The following C1orf105 variants were observed in gnomAD, a reference collection of about 807,000 sequenced individuals.
The protein encoded by C1orf105 is uncharacterized protein C1orf105.
In C1orf105, 17 loss-of-function variants were observed where a neutral mutation model predicts 20.8. The ratio of observed to expected loss-of-function variants is 0.82; its 90% CI spans 0.56 to 1.23. The LOEUF (loss-of-function observed/expected upper bound fraction) is 1.23. C1orf105 is among the 50% of genes most tolerant of loss of function. The probability of loss-of-function intolerance (pLI) is 0.00; values close to 1 mark genes in which losing one functional copy is unlikely to be tolerated. For missense variants in C1orf105, 219 were observed against 213.5 expected (o/e 1.03, Z -0.16); for synonymous variants, 72 against 72.1 (o/e 1.00, Z 0.01).
intron 4 of C1orf105, 63 bp downstream of exon 4, chr1:172,456,552 G>A: frequency 6.6e-7 from 1 of 1,506,502 alleles, no homozygotes. Flanking sequence ...GCCCTTCCCA[G>A]CCAAGCCCTG....
Position 172,430,748 on chromosome 1 carries a change from G to A in C1orf105, c.21+9842G>A, listed in dbSNP as rs55826912. ...GAGCCATTGCGCCCAGCCAGATACA[G>A]CATTTTTTACAAATTGAAGATTTGT... On this transcript the variant is annotated intron_variant, in intron 1 of 6. Transcript: ENST00000367727. 8.9e-3 allele frequency among the ~76,000 whole-genome samples: 1,349 copies of A among 152,248 alleles called. 20 individuals carry two copies. The highest frequency in any genetic ancestry group is 0.012 in the Non-Finnish European group (809 of 68,032).
chr1:172,462,577 A>G (rs1437529882), intron 5 of C1orf105, among the ~76,000 whole-genome samples: 1 of 152,236 alleles, frequency 6.6e-6, no homozygotes, highest in Non-Finnish European at 1.5e-5. Context: ...TCTAATCTGC[A>G]AGATATGGGG....
intron 1 of C1orf105, among the ~76,000 whole-genome samples, chr1:172,424,892 C>T (rs2071685053): frequency 6.6e-6 from 1 of 152,070 alleles, no homozygotes; most frequent in Admixed American, 6.5e-5. Flanking sequence ...TTCTCACTGA[C>T]CAGAGTTCAA....
chr1:172,448,156 C>T (rs1000046711), intron 2 of C1orf105, among the ~76,000 whole-genome samples: 4 of 152,202 alleles, frequency 2.6e-5, no homozygotes, highest in African/African-American at 4.8e-5. Context: ...GGATTCATTT[C>T]GCTCATTACA....
intron 3 of C1orf105, among the ~76,000 whole-genome samples, chr1:172,449,394 G>A (rs1407385551): frequency 3.3e-5 from 5 of 152,092 alleles, no homozygotes; most frequent in Admixed American, 2.6e-4. Context: ...GGTTGGGCAA[G>A]CAGAGTGGAA....
In C1orf105 at chr1:172,441,869, C is replaced by T. The variant is rs754245859; in HGVS notation, c.22-3204C>T. ...GACATCAGCAGAAGGGCAAAGAGTA[C>T]GGCTCCCACAGCACTAATGGACAGT... On this transcript the variant is annotated intron_variant, in intron 1 of 6. Coordinates refer to ENST00000367727, the MANE Select transcript of C1orf105 (RefSeq NM_139240.4). 1.4e-5 allele frequency: 23 copies of T among 1,613,932 alleles called. No individual in the cohort carries two copies. In the East Asian group the frequency reaches 1.6e-4, roughly 11 times the overall value.
rs757152218 is a variant in C1orf105, at chr1:172,442,331, C to G, written c.22-2742C>G. The G allele has an allele frequency of 8.1e-6, 13 of 1,613,192 alleles. No individual in the cohort carries two copies. The African/African-American group carries it at 1.6e-4, about 20-fold the overall frequency. On this transcript the variant is annotated intron_variant, in intron 1 of 6. Coordinates refer to ENST00000367727, the MANE Select transcript of C1orf105 (RefSeq NM_139240.4). ...CCTCCATCAATGAGATCAAACAAAA[C>G]ATACCCAATCAGTGAAGAAGCCAGA...
intron 1 of C1orf105, chr1:172,443,343 T>C (rs568687857): frequency 1.3e-4 from 21 of 167,130 alleles, no homozygotes; most frequent in African/African-American, 4.6e-4. Context: ...TTTTTATTGG[T>C]TCTCAAAGGC....
At chr1:172,465,015 T>A (rs890696485) in intron 5 of C1orf105, among the ~76,000 whole-genome samples, 10 of 152,028 alleles carry the variant, frequency 6.6e-5, no homozygotes, top group Non-Finnish European at 1.3e-4. Context: ...AAACCCCATC[T>A]CTACTGAAAA....
Position 172,467,672 on chromosome 1 carries a change from T to A in C1orf105, c.407-777T>A, listed in dbSNP as rs556564244. ...ATTACAGTGATGAGACTGAACTGGA[T>A]CCAAGGTTTGTGATCCTGTAACGTC... is the stretch of plus-strand genomic sequence containing the variant. On this transcript the variant is annotated intron_variant, in intron 6 of 6. Transcript: ENST00000367727. Among the ~76,000 whole-genome samples the A allele has an allele frequency of 1.3e-3, 192 of 152,296 alleles. 1 individual carries two copies. The highest frequency in any genetic ancestry group is 4.5e-3 in the African/African-American group (185 of 41,566).
At chr1:172,434,811 C>G (rs1397577347) in intron 1 of C1orf105, among the ~76,000 whole-genome samples, 1 of 152,148 alleles carries the variant, frequency 6.6e-6, no homozygotes, top group Non-Finnish European at 1.5e-5. Flanking sequence ...AATCCAGGAG[C>G]TGGTTTTTTG....
chr1:172,421,472 G>A (rs566100372), intron 1 of C1orf105, among the ~76,000 whole-genome samples: 40 of 152,198 alleles, frequency 2.6e-4, no homozygotes, highest in African/African-American at 9.2e-4. Flanking sequence ...ACTTATGATA[G>A]GGTTACATCT....
intron 2 of C1orf105, among the ~76,000 whole-genome samples, chr1:172,446,311 C>T (rs2269615): frequency 0.46 from 69,369 of 152,100 alleles, 18,572 homozygotes; most frequent in East Asian, 0.65. Flanking sequence ...TGGATCAGCA[C>T]GAGTAAGGAC....
chr1:172,452,158 A>C (rs1213986224), intron 3 of C1orf105, among the ~76,000 whole-genome samples: 1 of 152,146 alleles, frequency 6.6e-6, no homozygotes, highest in Non-Finnish European at 1.5e-5. Context: ...AGTATGAGCC[A>C]CCATGCCTGG....
At chr1:172,421,126 C>T (rs1252189468) in intron 1 of C1orf105, among the ~76,000 whole-genome samples, 1 of 152,070 alleles carries the variant, frequency 6.6e-6, no homozygotes, top group African/African-American at 2.4e-5. Context: ...TGCTCTTTAT[C>T]GTATAGTTTG....
intron 3 of C1orf105, among the ~76,000 whole-genome samples, chr1:172,451,960 C>G (rs1648700290): frequency 6.7e-6 from 1 of 150,214 alleles, no homozygotes; most frequent in Non-Finnish European, 1.5e-5. Flanking sequence ...GCAACCTCCG[C>G]CTCCCAGGTT....
At chr1:172,435,320 G>A (rs2072004212) in intron 1 of C1orf105, among the ~76,000 whole-genome samples, 1 of 152,148 alleles carries the variant, frequency 6.6e-6, no homozygotes, top group Non-Finnish European at 1.5e-5. Context: ...CAATATCCCT[G>A]ATGAATGTCG....
chr1:172,435,047 G>GA (rs1473652240), intron 1 of C1orf105, among the ~76,000 whole-genome samples: 1 of 152,120 alleles, frequency 6.6e-6, no homozygotes, highest in Non-Finnish European at 1.5e-5. Flanking sequence ...ACTAAACGAG[G>GA]AAAGAGCTGA....
intron 5 of C1orf105, among the ~76,000 whole-genome samples, chr1:172,463,235 T>C (rs1039569507): frequency 6.6e-6 from 1 of 152,196 alleles, no homozygotes; most frequent in Non-Finnish European, 1.5e-5. Flanking sequence ...AAAGTAGACA[T>C]ACACTCACCT....
Sources: allele counts gnomAD v4.1 joint callset (sites outside exome capture counted in the v4.1 genomes callset), GRCh38; gene constraint gnomAD v4.1.1; transcripts MANE v1.5; gene names NCBI Gene and HGNC (gene_info 2026-07-23, HGNC 2026-07-21).